The following TRIO variants were observed in gnomAD, a reference collection of about 807,000 sequenced individuals.
TRIO encodes triple functional domain protein.
TRIO carries 58 observed loss-of-function variants against 351.9 expected under a neutral mutation model. That is an observed-to-expected ratio of 0.16 (90% CI 0.13 to 0.21). The LOEUF (loss-of-function observed/expected upper bound fraction) is 0.21. Among genes scored for constraint, TRIO ranks in the 10% least tolerant of loss-of-function variants. TRIO has a pLI of 1.00. For synonymous variants in TRIO, 1,758 were observed against 1,595.7 expected, an observed-to-expected ratio of 1.10 and a Z score of -2.42; for missense variants, 3,201 against 4,027.8, an observed-to-expected ratio of 0.79 and a Z score of 5.56.
At chr5:14,493,172 C>T (rs1756618138) in intron 49 of TRIO, among the ~76,000 whole-genome samples, 2 of 152,262 alleles carry the variant, frequency 1.3e-5, no homozygotes, top group South Asian at 2.1e-4. Flanking sequence ...CTTTGACATA[C>T]ATTCTTAGGC....
chr5:14,242,607 CTG>C (rs1699789154), intron 1 of TRIO, among the ~76,000 whole-genome samples: 1 of 152,196 alleles, frequency 6.6e-6, no homozygotes, highest in African/African-American at 2.4e-5. Flanking sequence ...CAAGGTCTCA[CTG>C]TGTCACCCAG....
intron 34 of TRIO, among the ~76,000 whole-genome samples, chr5:14,428,744 T>G (rs546984325): frequency 3.2e-4 from 48 of 152,262 alleles, no homozygotes; most frequent in Middle Eastern, 3.4e-3. Context: ...CATCACAAAA[T>G]TATATATATA....
At position 14,195,162 on chromosome 5, in the gene TRIO, C is replaced by A. The variant is rs149683392; in HGVS notation, c.157+51280C>A. Among the ~76,000 whole-genome samples the A allele has an allele frequency of 1.9e-4, 29 of 152,306 alleles. 2 individuals are homozygous for A. Among genetic ancestry groups the A allele is most frequent in the African/African-American group, 7.0e-4 (29 of 41,562 alleles). On this transcript the variant is annotated intron_variant, in intron 1 of 56. Coordinates refer to ENST00000344204, the MANE Select transcript of TRIO (RefSeq NM_007118.4). Reference sequence around the variant, plus strand: ...TAATGTTCTCTATTTCGTGCAGTATCCATTCCAGGAGCACACGTTGCATTT... The same window carrying A: ...TAATGTTCTCTATTTCGTGCAGTATACATTCCAGGAGCACACGTTGCATTT...
intron 1 of TRIO, among the ~76,000 whole-genome samples, chr5:14,202,023 C>T (rs921319384): frequency 1.2e-4 from 18 of 150,854 alleles, no homozygotes; most frequent in African/African-American, 3.2e-4. Context: ...ATGTAAATGA[C>T]GAATTAATGG....
chr5:14,252,010 C>T (rs1349749193), intron 1 of TRIO, among the ~76,000 whole-genome samples: 2 of 151,006 alleles, frequency 1.3e-5, no homozygotes, highest in Non-Finnish European at 2.9e-5. Flanking sequence ...GTGGTACCTC[C>T]TTAACCAGAT....
intron 1 of TRIO, among the ~76,000 whole-genome samples, chr5:14,200,033 G>T (rs1017541027): frequency 6.6e-6 from 1 of 152,204 alleles, no homozygotes; most frequent in Non-Finnish European, 1.5e-5. Context: ...CTATACTAGG[G>T]TTGTGAGATC....
At chr5:14,321,163 G>A (rs1016063863) in intron 9 of TRIO, among the ~76,000 whole-genome samples, 5 of 152,242 alleles carry the variant, frequency 3.3e-5, no homozygotes, top group African/African-American at 1.2e-4. Flanking sequence ...CGTGGAAGAG[G>A]TAGAGTTTGA....
chr5:14,292,709 C>T (rs984329724), intron 5 of TRIO, among the ~76,000 whole-genome samples: 2 of 152,158 alleles, frequency 1.3e-5, no homozygotes, highest in Non-Finnish European at 1.5e-5. Flanking sequence ...GGAGACTGGG[C>T]TGAGAGTCAG....
intron 1 of TRIO, among the ~76,000 whole-genome samples, chr5:14,172,094 C>T (rs1039486981): frequency 3.3e-5 from 5 of 152,206 alleles, no homozygotes; most frequent in African/African-American, 9.6e-5. Context: ...CTCTCTCTTT[C>T]TATCTTTTAT....
At chr5:14,351,807 C>G (rs531279369) in intron 11 of TRIO, among the ~76,000 whole-genome samples, 1 of 152,292 alleles carries the variant, frequency 6.6e-6, no homozygotes, top group South Asian at 2.1e-4. Context: ...AGCTTGTACC[C>G]CACTGGGGAG....
chr5:14,484,918 C>G (rs906219100), intron 46 of TRIO, 151 bp from the exon 47 acceptor site: 1 of 668,674 alleles, frequency 1.5e-6, no homozygotes, highest in South Asian at 3.0e-5. Context: ...TCATCCATGT[C>G]GTATTGTGTG....
At chr5:14,445,146 A>T (rs1166183903) in intron 34 of TRIO, among the ~76,000 whole-genome samples, 1 of 152,206 alleles carries the variant, frequency 6.6e-6, no homozygotes, top group Non-Finnish European at 1.5e-5. Flanking sequence ...GAGCAAGTCC[A>T]TAAACAGAGT....
rs1356278851 is a variant in TRIO, at chr5:14,387,407, C to A, written c.3571-31C>A. On this transcript the variant is annotated intron_variant, in intron 21 of 56. Coordinates refer to ENST00000344204, the MANE Select transcript of TRIO (RefSeq NM_007118.4). ...GGTTTCTGGCAGTCGGATTCATTTG[C>A]CTCACAATACTTTCCTGTTGTTTTT... 7 of 1,567,442 alleles carry A rather than the reference C, an allele frequency of 4.5e-6. No homozygotes were observed. In the South Asian group the frequency reaches 8.3e-5, roughly 19 times the overall value.
At chr5:14,156,093 C>G (rs750829250) in intron 1 of TRIO, among the ~76,000 whole-genome samples, 6 of 152,138 alleles carry the variant, frequency 3.9e-5, no homozygotes, top group Non-Finnish European at 7.3e-5. Context: ...CTTTTGCTGT[C>G]ACTTAGTTTG....
Position 14,297,068 on chromosome 5 carries a change from C to A in TRIO, c.1177-4C>A. 2 of 1,605,368 alleles carry A rather than the reference C, an allele frequency of 1.2e-6. No homozygotes were observed. Among genetic ancestry groups the A allele is most frequent in the Non-Finnish European group, 1.7e-6 (2 of 1,172,874 alleles). On this transcript the variant is annotated splice_polypyrimidine_tract_variant and splice_region_variant and intron_variant, in intron 6 of 56. Transcript: ENST00000344204. ...GGAGCCCTCTTTTCCTGCCCACTTTCCAGAACGTGTATGTAAATATAAACC... is the reference window on the plus strand; with the variant it reads ...GGAGCCCTCTTTTCCTGCCCACTTTACAGAACGTGTATGTAAATATAAACC...
intron 49 of TRIO, among the ~76,000 whole-genome samples, chr5:14,495,750 C>T (rs984761094): frequency 4.7e-5 from 7 of 150,160 alleles, no homozygotes; most frequent in South Asian, 2.1e-4. Context: ...GGGTGGATCA[C>T]GAGGTCAAGA....
intron 4 of TRIO, among the ~76,000 whole-genome samples, chr5:14,290,398 T>C (rs1156592668): frequency 6.6e-6 from 1 of 152,206 alleles, no homozygotes; most frequent in Non-Finnish European, 1.5e-5. Context: ...TAGTTTAATG[T>C]GTCTGTTATA....
intron 34 of TRIO, among the ~76,000 whole-genome samples, chr5:14,433,877 T>C (rs540167541): frequency 6.6e-6 from 1 of 152,350 alleles, no homozygotes; most frequent in South Asian, 2.1e-4. Context: ...TAATTATAAA[T>C]ATATGTTTAC....
At chr5:14,308,302 A>G (rs1267386550) in intron 8 of TRIO, among the ~76,000 whole-genome samples, 1 of 136,972 alleles carries the variant, frequency 7.3e-6, no homozygotes, top group Non-Finnish European at 1.5e-5. Context: ...CCACCCATCC[A>G]TCTACCCAAT....
Sources: allele counts gnomAD v4.1 joint callset (sites outside exome capture counted in the v4.1 genomes callset), GRCh38; gene constraint gnomAD v4.1.1; transcripts MANE v1.5; gene names NCBI Gene and HGNC (gene_info 2026-07-23, HGNC 2026-07-21).